CSMD1: variants seen among roughly 807,000 people sequenced by gnomAD.
CSMD1 encodes the protein CUB and sushi domain-containing protein 1.
CSMD1 carries 213 observed loss-of-function variants against 417.5 expected under a neutral mutation model. That is an observed-to-expected ratio of 0.51 (90% CI 0.46 to 0.57). The LOEUF is 0.57. Among genes scored for constraint, CSMD1 ranks in the 20% least tolerant of loss-of-function variants. The probability of loss-of-function intolerance (pLI) is 0.00; values close to 1 mark genes in which losing one functional copy is unlikely to be tolerated. For synonymous variants in CSMD1, 2,862 were observed against 1,736.8 expected, an observed-to-expected ratio of 1.65 and a Z score of -16.11; for missense variants, 6,923 against 4,529.7, an observed-to-expected ratio of 1.53 and a Z score of -15.17.
intron 3 of CSMD1, among the ~76,000 whole-genome samples, chr8:4,250,694 C>T (rs1803006955): frequency 6.6e-6 from 1 of 152,014 alleles, no homozygotes; most frequent in Middle Eastern, 3.2e-3. Flanking sequence ...GCAAATATTG[C>T]CTTTTCAGAA....
chr8:4,228,274 C>G (rs1198226841), intron 3 of CSMD1, among the ~76,000 whole-genome samples: 1 of 152,218 alleles, frequency 6.6e-6, no homozygotes, highest in African/African-American at 2.4e-5. Context: ...GTCACAGGCC[C>G]TGGTGCTGCT....
rs79097058 is a variant in CSMD1, at chr8:4,134,682, C to G, written c.416-102583G>C. ...AATCATTCAAATTTTCCATCCCTAC[C>G]GCCTTTGATTTCTGTGAACCACACC... On this transcript the variant is annotated intron_variant, in intron 3 of 69. Coordinates refer to ENST00000635120, the MANE Select transcript of CSMD1 (RefSeq NM_033225.6). Among the ~76,000 whole-genome samples, 606 of 152,260 alleles carry G rather than the reference C, an allele frequency of 4.0e-3. 3 individuals carry two copies. The highest frequency in any genetic ancestry group is 6.6e-3 in the Non-Finnish European group (446 of 68,002).
intron 30 of CSMD1, among the ~76,000 whole-genome samples, chr8:3,207,796 C>G (rs1242423636): frequency 6.6e-6 from 1 of 152,132 alleles, no homozygotes; most frequent in African/African-American, 2.4e-5. Context: ...TGTCTTAATT[C>G]AAAATCATGT....
chr8:3,613,604 T>C (rs1801994040), intron 8 of CSMD1, among the ~76,000 whole-genome samples: 2 of 151,952 alleles, frequency 1.3e-5, no homozygotes, highest in African/African-American at 4.8e-5. Context: ...TTAGGGAAAT[T>C]AGTTAAGCCC....
chr8:4,535,986 TAAATA>T (rs959266076), intron 2 of CSMD1, among the ~76,000 whole-genome samples: 1 of 150,624 alleles, frequency 6.6e-6, no homozygotes, highest in Non-Finnish European at 1.5e-5. Context: ...TATCTTAAAA[TAAATA>T]AAAGTTTCAG....
intron 12 of CSMD1, among the ~76,000 whole-genome samples, chr8:3,462,978 C>T (rs1484478225): frequency 1.3e-5 from 2 of 152,194 alleles, no homozygotes; most frequent in African/African-American, 2.4e-5. Flanking sequence ...GGCTTGTGGC[C>T]TTGCGCTGTC....
chr8:4,650,734 G>A (rs1265052204), intron 1 of CSMD1, among the ~76,000 whole-genome samples: 1 of 151,616 alleles, frequency 6.6e-6, no homozygotes, highest in Admixed American at 6.6e-5. Flanking sequence ...AGATTTGAGA[G>A]CAGAAAATAT....
At chr8:4,578,089 C>G (rs1346369877) in intron 2 of CSMD1, among the ~76,000 whole-genome samples, 1 of 152,152 alleles carries the variant, frequency 6.6e-6, no homozygotes, top group Non-Finnish European at 1.5e-5. Flanking sequence ...CCCGAGTTAG[C>G]TCAGAGCTGC....
intron 2 of CSMD1, among the ~76,000 whole-genome samples, chr8:4,520,195 A>C (rs1001069382): frequency 6.6e-6 from 1 of 152,180 alleles, no homozygotes; most frequent in African/African-American, 2.4e-5. Flanking sequence ...TAAAAATGCA[A>C]TATCGTGGCA....
chr8:4,295,137 T>A (rs533217130), intron 3 of CSMD1, among the ~76,000 whole-genome samples: 1 of 131,770 alleles, frequency 7.6e-6, no homozygotes, highest in Non-Finnish European at 1.7e-5. Context: ...CTTAAGATTA[T>A]ATAATCTTAA....
chr8:4,030,816 C>A (rs1344109771), intron 4 of CSMD1, among the ~76,000 whole-genome samples: 2 of 152,284 alleles, frequency 1.3e-5, no homozygotes. Flanking sequence ...AGCTTTACAG[C>A]ACCCAAGACA....
chr8:3,297,354 C>G (rs1476079592), intron 25 of CSMD1, among the ~76,000 whole-genome samples: 1 of 151,832 alleles, frequency 6.6e-6, no homozygotes, highest in Non-Finnish European at 1.5e-5. Context: ...TGCAGAAGGC[C>G]AAGAATAGTC....
chr8:3,368,483 T>G (rs984743165), intron 19 of CSMD1, among the ~76,000 whole-genome samples: 6 of 152,120 alleles, frequency 3.9e-5, no homozygotes, highest in Admixed American at 2.6e-4. Flanking sequence ...ATTACAGGCA[T>G]GCACCACGAT....
chr8:3,850,428 C>G (rs1210866435), intron 5 of CSMD1, among the ~76,000 whole-genome samples: 1 of 152,208 alleles, frequency 6.6e-6, no homozygotes, highest in Non-Finnish European at 1.5e-5. Context: ...GGCATGGTGG[C>G]TCAGGCCTTT....
At chr8:3,842,404 G>A (rs1168494054) in intron 5 of CSMD1, among the ~76,000 whole-genome samples, 1 of 152,074 alleles carries the variant, frequency 6.6e-6, no homozygotes, top group Non-Finnish European at 1.5e-5. Flanking sequence ...AGTTGGCTGT[G>A]CATGTCTTAT....
At chr8:3,823,585 GT>G (rs1211785234) in intron 5 of CSMD1, among the ~76,000 whole-genome samples, 1 of 152,004 alleles carries the variant, frequency 6.6e-6, no homozygotes, top group African/African-American at 2.4e-5. Context: ...ATGGATACAT[GT>G]TTGAACCATT....
At chr8:4,777,728 A>G (rs1386178263) in intron 1 of CSMD1, among the ~76,000 whole-genome samples, 17 of 152,232 alleles carry the variant, frequency 1.1e-4, no homozygotes, top group Non-Finnish European at 2.9e-5. Context: ...AACCTAATGC[A>G]TGTGTGTTTC....
intron 41 of CSMD1, among the ~76,000 whole-genome samples, chr8:3,130,229 A>T (rs1379047832): frequency 3.3e-5 from 5 of 152,174 alleles, no homozygotes; most frequent in African/African-American, 1.2e-4. Context: ...TTGTATTTTA[A>T]CAGGATGTAG....
intron 2 of CSMD1, among the ~76,000 whole-genome samples, chr8:4,536,101 A>G (rs1479345486): frequency 6.6e-6 from 1 of 152,194 alleles, no homozygotes; most frequent in East Asian, 1.9e-4. Flanking sequence ...AAATCTGATT[A>G]CCATGTTCAA....
Sources: gnomAD v4.1 joint callset for allele counts (sites outside exome capture counted in the v4.1 genomes callset) on GRCh38, gnomAD v4.1.1 for gene constraint, MANE v1.5 for transcripts, NCBI Gene and HGNC (gene_info 2026-07-23, HGNC 2026-07-21) for gene names.